The following SHLD2 variants were observed in gnomAD, a reference collection of about 807,000 sequenced individuals.
The protein encoded by SHLD2 is shieldin complex subunit 2.
In SHLD2, 30 loss-of-function variants were observed where a neutral mutation model predicts 73.2. The ratio of observed to expected loss-of-function variants is 0.41; its 90% CI spans 0.31 to 0.56. SHLD2 has a LOEUF of 0.56. SHLD2 is among the 20% of genes least tolerant of loss of function. The pLI, the probability that SHLD2 is intolerant of heterozygous loss-of-function variation, is 0.28. For missense variants in SHLD2, 745 were observed against 1,055.9 expected (o/e 0.71, Z 4.08); for synonymous variants, 285 against 370.1 (o/e 0.77, Z 2.64).
intron 3 of SHLD2, chr10:87,154,244 T>C (rs995968090): frequency 1.3e-5 from 2 of 152,126 alleles, no homozygotes; most frequent in African/African-American, 2.4e-5. Flanking sequence ...GAGGTCACTA[T>C]ATTGATGGCA....
chr10:87,100,610 T>C (rs1164250127), intron 2 of SHLD2, among the ~76,000 whole-genome samples: 1 of 152,056 alleles, frequency 6.6e-6, no homozygotes, highest in Non-Finnish European at 1.5e-5. Context: ...CCTGAGTAGC[T>C]GGGATTACAG....
chr10:87,096,090 G>C (rs1282064506), intron 1 of SHLD2, among the ~76,000 whole-genome samples: 1 of 152,226 alleles, frequency 6.6e-6, no homozygotes, highest in Non-Finnish European at 1.5e-5. Context: ...GCCCAGGCGG[G>C]AGTGTAGTGG....
At position 87,125,964 on chromosome 10, in the gene SHLD2, A is replaced by G. The variant is rs933167531; in HGVS notation, c.-5-25386A>G. On this transcript the variant is annotated intron_variant, in intron 2 of 9. Transcript: ENST00000298786. The stretch of plus-strand genomic sequence containing the variant: ...AATAATAATTCTCAGTAATTTTTGC[A>G]ATTTTTTTGGTACCTAAAATAATTT... 2.6e-5 allele frequency among the ~76,000 whole-genome samples: 4 copies of G among 152,100 alleles called. No individual in the cohort carries two copies. The East Asian group carries it at 5.8e-4, about 22-fold the overall frequency.
chr10:87,174,013 A>C (rs1416064119), intron 6 of SHLD2, among the ~76,000 whole-genome samples: 1 of 152,206 alleles, frequency 6.6e-6, no homozygotes, highest in African/African-American at 2.4e-5. Context: ...AAACTGGCAG[A>C]ACCTTTCTTG....
intron 2 of SHLD2, among the ~76,000 whole-genome samples, chr10:87,140,836 C>A (rs1273737230): frequency 6.6e-6 from 1 of 152,068 alleles, no homozygotes; most frequent in Non-Finnish European, 1.5e-5. Flanking sequence ...GTTAGCCAGG[C>A]ATGGTGGCAC....
At chr10:87,181,303 T>C (rs1441817531) in intron 8 of SHLD2, among the ~76,000 whole-genome samples, 2 of 151,462 alleles carry the variant, frequency 1.3e-5, no homozygotes, top group Non-Finnish European at 2.9e-5. Flanking sequence ...GAGGATTGTT[T>C]GAGCCCAGGA....
intron 2 of SHLD2, among the ~76,000 whole-genome samples, chr10:87,107,349 G>A (rs919537583): frequency 3.9e-5 from 6 of 152,198 alleles, no homozygotes; most frequent in Non-Finnish European, 5.9e-5. Context: ...GGGAGGCAGA[G>A]GTTGCAGTGA....
intron 2 of SHLD2, among the ~76,000 whole-genome samples, chr10:87,147,899 C>T (rs1245615119): frequency 6.6e-6 from 1 of 151,454 alleles, no homozygotes; most frequent in Non-Finnish European, 1.5e-5. Flanking sequence ...ACAGAGTCAC[C>T]CAGACTGGAG....
chr10:87,122,456 A>C (rs529108127), intron 2 of SHLD2, among the ~76,000 whole-genome samples: 1 of 152,254 alleles, frequency 6.6e-6, no homozygotes, highest in Non-Finnish European at 1.5e-5. Context: ...TGCTTTTAGC[A>C]GCCTGAAGCC....
intron 8 of SHLD2, among the ~76,000 whole-genome samples, chr10:87,183,332 T>C (rs1848425050): frequency 6.6e-6 from 1 of 152,152 alleles, no homozygotes; most frequent in Non-Finnish European, 1.5e-5. Context: ...GGAAAGTGGT[T>C]AGATGTAAAG....
Position 87,180,106 on chromosome 10 carries a change from G to C in SHLD2, c.2202G>C (p.Glu734Asp), listed in dbSNP as rs2134690079. Reference sequence around the variant, plus strand: ...TTCTGATTAAAGCCCAGATTTCAGAGCTGGCATTTCCTATTACAGCATCTC... The same window carrying C: ...TTCTGATTAAAGCCCAGATTTCAGACCTGGCATTTCCTATTACAGCATCTC... Reference protein sequence around the residue: ...GVVLIKAQISELAFPITASQK... With the variant: ...GVVLIKAQISDLAFPITASQK... Residue 734 changes from glutamate (E) to aspartate (D), a missense_variant, in exon 8 of 10, where the codon GAG becomes GAC. Around this residue, in one of 5 missense-constraint regions of SHLD2, gnomAD observed 418 missense variants for 567.8 expected, o/e 0.74. Transcript: ENST00000298786. 6.2e-7 allele frequency: 1 copy of C among 1,613,866 alleles called. No homozygotes were observed. The highest frequency in any genetic ancestry group is 1.3e-5 in the African/African-American group (1 of 75,030).
At chr10:87,139,309 A>ATT (rs1418228810) in intron 2 of SHLD2, among the ~76,000 whole-genome samples, 1 of 152,144 alleles carries the variant, frequency 6.6e-6, no homozygotes, top group Non-Finnish European at 1.5e-5. Context: ...AAGTAACTCA[A>ATT]TTATGTGCCA....
intron 2 of SHLD2, among the ~76,000 whole-genome samples, chr10:87,134,655 T>C (rs1844672258): frequency 6.6e-6 from 1 of 152,276 alleles, no homozygotes. Flanking sequence ...GCAACCACCC[T>C]TAGAAGGCAG....
intron 2 of SHLD2, among the ~76,000 whole-genome samples, chr10:87,133,165 CA>C (rs1486856155): frequency 6.6e-6 from 1 of 151,878 alleles, no homozygotes. Flanking sequence ...AAGTCTCTAG[CA>C]ATGGAAAAAA....
chr10:87,101,842 A>G (rs925464193), intron 2 of SHLD2, among the ~76,000 whole-genome samples: 9 of 152,218 alleles, frequency 5.9e-5, no homozygotes, highest in African/African-American at 2.2e-4. Flanking sequence ...TGAACCCAGG[A>G]GGTGGAGGTT....
At chr10:87,176,768 G>A (rs1847977015) in intron 7 of SHLD2, among the ~76,000 whole-genome samples, 1 of 152,178 alleles carries the variant, frequency 6.6e-6, no homozygotes, top group South Asian at 2.1e-4. Context: ...ATAAAACTAT[G>A]CTAAGGAGAA....
chr10:87,154,796 A>G (rs1846280590), intron 3 of SHLD2, among the ~76,000 whole-genome samples: 1 of 152,214 alleles, frequency 6.6e-6, no homozygotes, highest in African/African-American at 2.4e-5. Context: ...TAAAATATCT[A>G]AAGAAAGAAT....
At chr10:87,098,669 C>T (rs180881634) in intron 2 of SHLD2, among the ~76,000 whole-genome samples, 13 of 152,192 alleles carry the variant, frequency 8.5e-5, no homozygotes, top group Non-Finnish European at 1.5e-4. Flanking sequence ...AGTATTTGTT[C>T]CATTTAGTTA....
chr10:87,185,193 C>T (rs181481496), intron 8 of SHLD2, among the ~76,000 whole-genome samples: 4,528 of 152,214 alleles, frequency 0.03, 128 homozygotes, highest in Non-Finnish European at 0.041. Flanking sequence ...TTGTGACTGG[C>T]TTCACTTAGC....
Sources: allele counts gnomAD v4.1 joint callset (sites outside exome capture counted in the v4.1 genomes callset), GRCh38; gene constraint gnomAD v4.1.1; regional missense constraint gnomAD v4.1.1; transcripts MANE v1.5; gene names NCBI Gene and HGNC (gene_info 2026-07-23, HGNC 2026-07-21).